CTNNA3: variants seen among roughly 807,000 people sequenced by gnomAD.
CTNNA3 encodes the protein catenin alpha 3, also known as catenin alpha-3.
CTNNA3 carries 76 observed loss-of-function variants against 95.7 expected under a neutral mutation model. The ratio of observed to expected loss-of-function variants is 0.79; its 90% CI spans 0.66 to 0.96. The LOEUF (loss-of-function observed/expected upper bound fraction) is 0.96, where lower values mean the gene tolerates loss of function less well. CTNNA3 is among the 40% of genes least tolerant of loss of function. CTNNA3 has a pLI of 0.00. For missense variants in CTNNA3, 1,191 were observed against 1,089.8 expected (o/e 1.09, Z -1.31); for synonymous variants, 431 against 374.4 (o/e 1.15, Z -1.74).
At chr10:66,880,305 A>G (rs886617604) in intron 7 of CTNNA3, among the ~76,000 whole-genome samples, 2 of 152,068 alleles carry the variant, frequency 1.3e-5, no homozygotes, top group Non-Finnish European at 2.9e-5. Context: ...TTTCCATGTC[A>G]TAGGGAACTA....
intron 12 of CTNNA3, 54 bp from the exon 13 acceptor site, chr10:66,280,675 T>C (rs1187500345): frequency 3.7e-6 from 5 of 1,366,454 alleles, no homozygotes; most frequent in Non-Finnish European, 5.0e-6. Flanking sequence ...TTTGGATTTA[T>C]ACAGTAGTTT....
In CTNNA3 at chr10:67,673,782, TAAG is replaced by T. The variant is rs1383238622; in HGVS notation, c.-6+22215_-6+22217del. Among the ~76,000 whole-genome samples, 22 of 135,822 alleles carry T rather than the reference TAAG, an allele frequency of 1.6e-4. No homozygotes were observed. In the East Asian group the frequency reaches 4.8e-3, roughly 30 times the overall value. The allele number at this position is 135,822 out of a possible 152,430, so 89.1% of individuals were successfully genotyped here. The stretch of plus-strand genomic sequence containing the variant: ...TATCACATAACAAGAAGTCTAGAGG[TAAG>T]AAGTTAATAACGGACGTCCGTTATT... On this transcript the variant is annotated intron_variant, in intron 1 of 17. Coordinates refer to ENST00000433211, the MANE Select transcript of CTNNA3 (RefSeq NM_013266.4).
intron 9 of CTNNA3, among the ~76,000 whole-genome samples, chr10:66,744,111 C>G (rs186894481): frequency 6.6e-6 from 1 of 151,820 alleles, no homozygotes; most frequent in Admixed American, 6.6e-5. Flanking sequence ...AGCAAATGCA[C>G]GCTCTCAGAC....
At chr10:66,459,939 G>T (rs2093517677) in intron 11 of CTNNA3, among the ~76,000 whole-genome samples, 1 of 151,052 alleles carries the variant, frequency 6.6e-6, no homozygotes, top group South Asian at 2.1e-4. Context: ...ACAAAATTTT[G>T]GTTCTTTATT....
At chr10:66,279,822 AT>A (rs937999458) in intron 13 of CTNNA3, among the ~76,000 whole-genome samples, 5 of 152,220 alleles carry the variant, frequency 3.3e-5, no homozygotes, top group African/African-American at 1.2e-4. Flanking sequence ...AAGAATGTGC[AT>A]TTTTTGGTAA....
intron 10 of CTNNA3, among the ~76,000 whole-genome samples, chr10:66,554,951 T>C (rs1268910007): frequency 6.6e-6 from 1 of 152,114 alleles, no homozygotes; most frequent in Non-Finnish European, 1.5e-5. Flanking sequence ...CATACTTGGC[T>C]CTCTGATTAT....
At chr10:66,199,805 A>ATATATT (rs1564756586) in intron 13 of CTNNA3, among the ~76,000 whole-genome samples, 4 of 14,282 alleles carry the variant, frequency 2.8e-4, no homozygotes, top group African/African-American at 7.9e-4. Context: ...ATATATATAT[A>ATATATT]TTTTTTTTTT....
At chr10:65,932,016 A>G (rs946835220) in intron 17 of CTNNA3, among the ~76,000 whole-genome samples, 2 of 152,232 alleles carry the variant, frequency 1.3e-5, no homozygotes, top group Non-Finnish European at 2.9e-5. Flanking sequence ...TTCAAAGAAT[A>G]AAGTTCTCAA....
chr10:66,751,350 G>C (rs1839132090), intron 9 of CTNNA3, among the ~76,000 whole-genome samples: 1 of 152,076 alleles, frequency 6.6e-6, no homozygotes, highest in Admixed American at 6.6e-5. Flanking sequence ...CATATATTCT[G>C]CAACCTTTCT....
intron 13 of CTNNA3, among the ~76,000 whole-genome samples, chr10:66,144,130 TC>T (rs1406804446): frequency 1.3e-5 from 2 of 152,218 alleles, no homozygotes; most frequent in Non-Finnish European, 2.9e-5. Context: ...TTCTGTGATT[TC>T]TTTTTTTACT....
At chr10:67,647,941 C>A (rs57623587) in intron 1 of CTNNA3, among the ~76,000 whole-genome samples, 3 of 152,048 alleles carry the variant, frequency 2.0e-5, no homozygotes, top group African/African-American at 7.2e-5. Flanking sequence ...AGACAAGGAA[C>A]AAGTAAACCT....
In CTNNA3 at chr10:67,234,505, G is replaced by A. The variant is rs1056125417; in HGVS notation, c.580-14635C>T. Among the ~76,000 whole-genome samples, 14 of 152,146 alleles carry A rather than the reference G, an allele frequency of 9.2e-5. No individual in the cohort carries two copies. In the South Asian group the frequency reaches 1.0e-3, roughly 11 times the overall value. Reference sequence around the variant, plus strand: ...TCTCAATAAATTAGGTATTGATGGGGCGTATTTCAAAATAATAAGCACTAT... The same window carrying A: ...TCTCAATAAATTAGGTATTGATGGGACGTATTTCAAAATAATAAGCACTAT... On this transcript the variant is annotated intron_variant, in intron 5 of 17. Coordinates refer to ENST00000433211, the MANE Select transcript of CTNNA3 (RefSeq NM_013266.4).
At chr10:66,514,868 T>C (rs1840785043) in intron 11 of CTNNA3, among the ~76,000 whole-genome samples, 1 of 152,144 alleles carries the variant, frequency 6.6e-6, no homozygotes, top group Admixed American at 6.5e-5. Flanking sequence ...CAAACTGACC[T>C]CTGAAAATAT....
At chr10:66,190,381 G>A (rs564340313) in intron 13 of CTNNA3, among the ~76,000 whole-genome samples, 36 of 152,114 alleles carry the variant, frequency 2.4e-4, no homozygotes, top group Non-Finnish European at 4.7e-4. Flanking sequence ...TGATGGAAAC[G>A]AAAGTGTGTG....
intron 7 of CTNNA3, among the ~76,000 whole-genome samples, chr10:66,782,851 A>G (rs1473170664): frequency 6.6e-6 from 1 of 152,164 alleles, no homozygotes; most frequent in African/African-American, 2.4e-5. Flanking sequence ...ATTATTACCT[A>G]TAAGTAGTAC....
rs138281090 is a variant in CTNNA3 at position 66,718,493 on chromosome 10, C to G, written c.1281+47771G>C. ...AGAGCTATTTTACTCAAAATTAACA[C>G]TGAATATTTCTTAAATTGTCCAAAA... On this transcript the variant is annotated intron_variant, in intron 9 of 17. Transcript: ENST00000433211. 5.9e-3 allele frequency among the ~76,000 whole-genome samples: 893 copies of G among 152,084 alleles called. 12 individuals are homozygous for G. The highest frequency in any genetic ancestry group is 0.021 in the African/African-American group (856 of 41,516).
intron 7 of CTNNA3, among the ~76,000 whole-genome samples, chr10:67,170,010 C>T (rs1564939440): frequency 1.3e-5 from 2 of 152,198 alleles, no homozygotes; most frequent in East Asian, 1.9e-4. Context: ...CCAACTAGCA[C>T]ATAAAGAAAA....
intron 7 of CTNNA3, among the ~76,000 whole-genome samples, chr10:67,123,555 A>T (rs1046007864): frequency 4.0e-5 from 6 of 151,820 alleles, no homozygotes; most frequent in African/African-American, 1.5e-4. Flanking sequence ...CAGATATCTG[A>T]ACACATTTTC....
intron 15 of CTNNA3, among the ~76,000 whole-genome samples, chr10:66,061,510 A>T (rs2080198678): frequency 6.6e-6 from 1 of 152,018 alleles, no homozygotes; most frequent in South Asian, 2.1e-4. Flanking sequence ...CCCTCTTCTC[A>T]CTTATCATTT....
Sources: allele counts gnomAD v4.1 joint callset (sites outside exome capture counted in the v4.1 genomes callset), GRCh38; gene constraint gnomAD v4.1.1; transcripts MANE v1.5; gene names NCBI Gene and HGNC (gene_info 2026-07-23, HGNC 2026-07-21).